The following NETO1 variants were observed in gnomAD, a reference collection of about 807,000 sequenced individuals.
The protein encoded by NETO1 is neuropilin and tolloid-like protein 1.
A neutral mutation model predicts 61.3 loss-of-function variants in NETO1; 26 were observed. The ratio of observed to expected loss-of-function variants is 0.42; its 90% confidence interval spans 0.31 to 0.59. The LOEUF (loss-of-function observed/expected upper bound fraction) is 0.59, where lower values mean the gene tolerates loss of function less well. Among genes scored for constraint, NETO1 ranks in the 20% least tolerant of loss-of-function variants. The pLI is 0.12. For missense variants in NETO1, 531 were observed against 662.8 expected (o/e 0.80, Z 2.18); for synonymous variants, 225 against 225.8 (o/e 1.00, Z 0.03).
chr18:72,807,513 A>G (rs981313955), intron 4 of NETO1, among the ~76,000 whole-genome samples: 1 of 152,208 alleles, frequency 6.6e-6, no homozygotes. Context: ...ACACGAGTAC[A>G]CAGAAGTTGG....
intron 4 of NETO1, among the ~76,000 whole-genome samples, chr18:72,803,910 A>G (rs189017892): frequency 6.6e-6 from 1 of 152,200 alleles, no homozygotes; most frequent in African/African-American, 2.4e-5. Flanking sequence ...CTTCCACCAT[A>G]ACAACACATC....
chr18:72,799,512 C>T (rs1158568076), intron 4 of NETO1, among the ~76,000 whole-genome samples: 1 of 152,210 alleles, frequency 6.6e-6, no homozygotes, highest in African/African-American at 2.4e-5. Context: ...GCTGCCATGA[C>T]TGGACGGCTT....
At chr18:72,847,648 T>A (rs1168076764) in intron 4 of NETO1, among the ~76,000 whole-genome samples, 1 of 152,216 alleles carries the variant, frequency 6.6e-6, no homozygotes, top group Admixed American at 6.5e-5. Context: ...TAAAAAGATA[T>A]ACACATACAG....
intron 7 of NETO1, among the ~76,000 whole-genome samples, chr18:72,762,791 T>C (rs145260350): frequency 2.0e-5 from 3 of 152,308 alleles, no homozygotes; most frequent in East Asian, 3.9e-4. Flanking sequence ...AAATAAACCA[T>C]GAAAGCATGT....
At chr18:72,809,828 G>GT (rs1475928268) in intron 4 of NETO1, among the ~76,000 whole-genome samples, 1 of 152,182 alleles carries the variant, frequency 6.6e-6, no homozygotes, top group East Asian at 1.9e-4. Flanking sequence ...TCCTAACATA[G>GT]TTTTTTCTGC....
chr18:72,846,504 C>CACAAAAAA (rs2074089946), intron 4 of NETO1, among the ~76,000 whole-genome samples: 1 of 13,004 alleles, frequency 7.7e-5, no homozygotes, highest in Non-Finnish European at 1.3e-4. Context: ...GACTTCATCT[C>CACAAAAAA]AAAAAAAAAA....
At chr18:72,865,125 G>A in intron 2 of NETO1, 63 bp downstream of exon 2, 1 of 1,503,566 alleles carries the variant, frequency 6.7e-7, no homozygotes, top group Non-Finnish European at 9.2e-7. Flanking sequence ...AACAGTAGGA[G>A]GAAAATAGGA....
At chr18:72,782,450 G>GTT (rs1323212403) in intron 7 of NETO1, among the ~76,000 whole-genome samples, 1 of 152,148 alleles carries the variant, frequency 6.6e-6, no homozygotes, top group Non-Finnish European at 1.5e-5. Context: ...CCAGCAGTGC[G>GTT]TAAGTGTTCC....
At chr18:72,828,225 C>T (rs2073449643) in intron 4 of NETO1, among the ~76,000 whole-genome samples, 1 of 152,090 alleles carries the variant, frequency 6.6e-6, no homozygotes, top group Non-Finnish European at 1.5e-5. Context: ...GGGGGATAAT[C>T]GCTTGAACCC....
At chr18:72,791,547 C>T (rs1468343903) in intron 6 of NETO1, among the ~76,000 whole-genome samples, 1 of 152,188 alleles carries the variant, frequency 6.6e-6, no homozygotes, top group Admixed American at 6.5e-5. Flanking sequence ...GCAGCTTCCC[C>T]TTTGGGTCAC....
chr18:72,759,109 T>A (rs2070884805), intron 7 of NETO1, among the ~76,000 whole-genome samples: 1 of 152,152 alleles, frequency 6.6e-6, no homozygotes, highest in Non-Finnish European at 1.5e-5. Context: ...TTCGACGACT[T>A]GCGTGCACTC....
chr18:72,829,193 A>G (rs2073491755), intron 4 of NETO1, among the ~76,000 whole-genome samples: 2 of 152,132 alleles, frequency 1.3e-5, no homozygotes, highest in Middle Eastern at 3.2e-3. Context: ...TAAAAGACTT[A>G]GGATTAAATG....
intron 7 of NETO1, among the ~76,000 whole-genome samples, chr18:72,767,116 T>C (rs892929857): frequency 1.3e-5 from 2 of 152,168 alleles, no homozygotes; most frequent in African/African-American, 4.8e-5. Context: ...TCATTGAACA[T>C]GCCAAGTCCC....
intron 4 of NETO1, among the ~76,000 whole-genome samples, chr18:72,849,442 A>G (rs1049054810): frequency 6.6e-6 from 1 of 152,130 alleles, no homozygotes; most frequent in Non-Finnish European, 1.5e-5. Context: ...TTTCTCTACC[A>G]TGCTTCTCAC....
At chr18:72,806,717 A>G (rs990907203) in intron 4 of NETO1, among the ~76,000 whole-genome samples, 5 of 151,670 alleles carry the variant, frequency 3.3e-5, no homozygotes, top group Admixed American at 6.6e-5. Context: ...CTGTCCACTC[A>G]CTCTTCCTTG....
chr18:72,846,675 G>A (rs2074100593), intron 4 of NETO1, among the ~76,000 whole-genome samples: 1 of 151,354 alleles, frequency 6.6e-6, no homozygotes, highest in South Asian at 2.1e-4. Context: ...TTAAAATTGA[G>A]ACGCAGATAT....
At chr18:72,846,783 T>G (rs1269871023) in intron 4 of NETO1, among the ~76,000 whole-genome samples, 1 of 152,196 alleles carries the variant, frequency 6.6e-6, no homozygotes, top group Non-Finnish European at 1.5e-5. Context: ...ACAGCAGATC[T>G]CTGAAAGACC....
intron 7 of NETO1, among the ~76,000 whole-genome samples, chr18:72,780,988 GTTGT>G (rs1205512432): frequency 2.6e-5 from 4 of 152,032 alleles, no homozygotes; most frequent in Non-Finnish European, 5.9e-5. Flanking sequence ...ACAGGCTAAT[GTTGT>G]TTAAGATTAT....
At chr18:72,781,719 T>G (rs1311778947) in intron 7 of NETO1, among the ~76,000 whole-genome samples, 2 of 152,202 alleles carry the variant, frequency 1.3e-5, no homozygotes, top group African/African-American at 4.8e-5. Context: ...TTTAAAACAG[T>G]ATTGGCTCCT....
Sources: gnomAD v4.1 joint callset for allele counts (sites outside exome capture counted in the v4.1 genomes callset) on GRCh38, gnomAD v4.1.1 for gene constraint, MANE v1.5 for transcripts, NCBI Gene and HGNC (gene_info 2026-07-23, HGNC 2026-07-21) for gene names.